The following ITSN2 variants were observed in gnomAD, a reference collection of about 807,000 sequenced individuals.
The protein encoded by ITSN2 is intersectin-2.
Under a neutral mutation model 243.7 loss-of-function variants are expected in ITSN2, and 156 were observed. The observed-to-expected ratio is 0.64, with a 90% CI of 0.56 to 0.73. ITSN2 has a LOEUF of 0.73. Among genes scored for constraint, ITSN2 ranks in the 30% least tolerant of loss-of-function variants. The pLI, the probability that ITSN2 is intolerant of heterozygous loss-of-function variation, is 0.00. For missense variants in ITSN2, 1,801 were observed against 1,996.1 expected (o/e 0.90, Z 1.86); for synonymous variants, 703 against 699.9 (o/e 1.00, Z -0.07).
chr2:24,262,723 C>T (rs1298327820), intron 20 of ITSN2, among the ~76,000 whole-genome samples: 3 of 152,130 alleles, frequency 2.0e-5, no homozygotes, highest in Non-Finnish European at 4.4e-5. Context: ...GACTTCTTCC[C>T]GAAGCAACAT....
intron 1 of ITSN2, among the ~76,000 whole-genome samples, chr2:24,341,116 A>G (rs141636269): frequency 8.9e-4 from 136 of 152,354 alleles, no homozygotes; most frequent in Middle Eastern, 3.4e-3. Flanking sequence ...ATGGGTTTCT[A>G]TCTTGGGTGA....
chr2:24,348,434 C>T (rs1244982230), intron 1 of ITSN2, among the ~76,000 whole-genome samples: 1 of 152,092 alleles, frequency 6.6e-6, no homozygotes, highest in African/African-American at 2.4e-5. Flanking sequence ...AAGTGATCCA[C>T]CCGCCTCAGC....
chr2:24,204,222 TC>T lies in ITSN2; in HGVS notation c.4936+22del. The T allele has an allele frequency of 6.2e-7, 1 of 1,612,622 alleles. No homozygotes were observed. The highest frequency in any genetic ancestry group is 8.5e-7 in the Non-Finnish European group (1 of 1,179,466). On this transcript the variant is annotated intron_variant, in intron 39 of 39. Coordinates refer to ENST00000355123, the MANE Select transcript of ITSN2 (RefSeq NM_006277.3). The surrounding 1 kb of genome is among the most constrained non-coding windows in gnomAD (Gnocchi z 5.1). ...CTAGGAAACTGGGAAAGCCTTTAGA[TC>T]CCCTGGCTGAGCGACACTTACCATC... is the stretch of plus-strand genomic sequence containing the variant.
chr2:24,342,209 A>AT (rs1298248709), intron 1 of ITSN2, among the ~76,000 whole-genome samples: 1 of 151,930 alleles, frequency 6.6e-6, no homozygotes, highest in Non-Finnish European at 1.5e-5. Flanking sequence ...TTTTAGAGAT[A>AT]TATAATCTTT....
Position 24,300,178 on chromosome 2 carries a change from A to C in ITSN2, c.1082-7T>G. 6.2e-7 allele frequency: 1 copy of C among 1,613,902 alleles called. No individual in the cohort carries two copies. The highest frequency in any genetic ancestry group is 8.5e-7 in the Non-Finnish European group (1 of 1,179,878). On this transcript the variant is annotated splice_polypyrimidine_tract_variant and splice_region_variant and intron_variant, in intron 11 of 39. Coordinates refer to ENST00000355123, the MANE Select transcript of ITSN2 (RefSeq NM_006277.3). The stretch of plus-strand genomic sequence containing the variant: ...CGTTTGTCCTCAAAAGTAACTGAAC[A>C]AGGTATGCCTATCAGCATCCACACA...
chr2:24,278,307 T>C (rs1678283402), intron 17 of ITSN2, among the ~76,000 whole-genome samples: 1 of 152,208 alleles, frequency 6.6e-6, no homozygotes, highest in Non-Finnish European at 1.5e-5. Flanking sequence ...TCCAACTATA[T>C]GATTGCCTCC....
chr2:24,345,469 T>C (rs1012086066), intron 1 of ITSN2, among the ~76,000 whole-genome samples: 1 of 152,212 alleles, frequency 6.6e-6, no homozygotes, highest in African/African-American at 2.4e-5. Context: ...GTATTTTACA[T>C]TGTCTAAACC....
In ITSN2 at chr2:24,298,823, A is replaced by T; in HGVS notation, c.1345-9T>A. 2 of 1,578,062 alleles carry T rather than the reference A, an allele frequency of 1.3e-6. No homozygotes were observed. The highest frequency in any genetic ancestry group is 1.7e-6 in the Non-Finnish European group (2 of 1,171,006). ...AGTTCCTGTTTTGCTGCCTGAAAAA[A>T]AAAAGGAATTATACTTAATTTTTAA... On this transcript the variant is annotated splice_polypyrimidine_tract_variant and intron_variant, in intron 12 of 39. Transcript: ENST00000355123.
intron 8 of ITSN2, among the ~76,000 whole-genome samples, chr2:24,304,351 T>A (rs1211580373): frequency 6.6e-6 from 1 of 152,194 alleles, no homozygotes; most frequent in Non-Finnish European, 1.5e-5. Flanking sequence ...CAGCTCCAAC[T>A]ACAACAAAAG....
At position 24,203,430 on chromosome 2, in the gene ITSN2, G is replaced by T; in HGVS notation, c.*196C>A. On this transcript the variant is annotated 3_prime_UTR_variant, in exon 40 of 40. Coordinates refer to ENST00000355123, the MANE Select transcript of ITSN2 (RefSeq NM_006277.3). ...ACTAGGACAAGGCACTGTACTATGG[G>T]GTTTGGTTTCTTTATGGGAAAGGTG... The T allele has an allele frequency of 1.8e-6, 1 of 565,186 alleles. No individual in the cohort carries two copies. The allele number at this position is 565,186 out of a possible 1,614,324, so 35.0% of individuals were successfully genotyped here.
intron 20 of ITSN2, among the ~76,000 whole-genome samples, chr2:24,263,123 CATA>C (rs1383805276): frequency 1.3e-5 from 2 of 152,094 alleles, no homozygotes; most frequent in African/African-American, 4.8e-5. Flanking sequence ...ATTATATATG[CATA>C]ATGACACTTA....
intron 15 of ITSN2, among the ~76,000 whole-genome samples, chr2:24,291,295 A>T (rs548367219): frequency 6.6e-6 from 1 of 151,592 alleles, no homozygotes; most frequent in East Asian, 1.9e-4. Context: ...ACCCCTACTG[A>T]TTTTTGTATT....
intron 15 of ITSN2, 64 bp from the exon 16 acceptor site, chr2:24,286,415 AT>A: frequency 7.0e-7 from 1 of 1,418,634 alleles, no homozygotes; most frequent in Non-Finnish European, 9.9e-7. Context: ...CCAGCATGTC[AT>A]TTACTGTTTG....
chr2:24,229,410 G>A (rs745967283), intron 29 of ITSN2, among the ~76,000 whole-genome samples: 5 of 152,076 alleles, frequency 3.3e-5, no homozygotes, highest in Non-Finnish European at 5.9e-5. Context: ...CTAACATGGC[G>A]AAACCCCATC....
In ITSN2 at chr2:24,334,506, G is replaced by A. The variant is rs866293567; in HGVS notation, c.-33-6391C>T. 1.2e-5 allele frequency: 9 copies of A among 732,760 alleles called. 1 individual carries two copies. Among genetic ancestry groups the A allele is most frequent in the African/African-American group, 1.2e-4 (7 of 57,542 alleles). The allele number at this position is 732,760 out of a possible 1,614,324, so 45.4% of individuals were successfully genotyped here. ...TACTTTCCGTGCCAATAGCGCTCATGCAAACATGGTGAACATTCCTAAAAC... is the reference window on the plus strand; with the variant it reads ...TACTTTCCGTGCCAATAGCGCTCATACAAACATGGTGAACATTCCTAAAAC... On this transcript the variant is annotated intron_variant, in intron 1 of 39. Coordinates refer to ENST00000355123, the MANE Select transcript of ITSN2 (RefSeq NM_006277.3).
intron 1 of ITSN2, among the ~76,000 whole-genome samples, chr2:24,350,684 G>A (rs183398483): frequency 3.3e-4 from 51 of 152,322 alleles, no homozygotes; most frequent in African/African-American, 1.2e-3. Flanking sequence ...ATGAAGTACT[G>A]ATCTATGCTA....
At position 24,310,491 on chromosome 2, in the gene ITSN2, G is replaced by A. The variant is rs145563967; in HGVS notation, c.554C>T (p.Ser185Leu). The A allele has an allele frequency of 8.6e-5, 139 of 1,613,606 alleles. No homozygotes were observed. In the African/African-American group the frequency reaches 9.3e-4, roughly 11 times the overall value. Reference sequence around the variant, plus strand: ...CTCTTTAGAAACAAAGTACTCACTTGAAGAAGAATAAGGAATGGGTAAAGG... The same window carrying A: ...CTCTTTAGAAACAAAGTACTCACTTAAAGAAGAATAAGGAATGGGTAAAGG... ...IQPLPIPYSS[S>L]TLPHGSSYSL... The change falls in exon 6 of 40, where the codon TCA (serine) becomes TTA (leucine). Residue 185 changes from serine (S) to leucine (L), a missense_variant and splice_region_variant. Transcript: ENST00000355123.
intron 37 of ITSN2, chr2:24,206,230 T>G (rs1668841091): frequency 2.5e-6 from 1 of 404,524 alleles, no homozygotes; most frequent in African/African-American, 2.2e-5. Flanking sequence ...TAGCAAAAGC[T>G]GTTTTAAACA....
At chr2:24,312,107 T>TC (rs562582944) in intron 5 of ITSN2, 105 bp downstream of exon 5, 3 of 864,064 alleles carry the variant, frequency 3.5e-6, no homozygotes, top group Non-Finnish European at 5.2e-6. Context: ...ACTTGGAATC[T>TC]GGGGACTGTC....
Sources: gnomAD v4.1 joint callset for allele counts (sites outside exome capture counted in the v4.1 genomes callset) on GRCh38, gnomAD v4.1.1 for gene constraint, Gnocchi (gnomAD v3.1) non-coding constraint, MANE v1.5 for transcripts, NCBI Gene and HGNC (gene_info 2026-07-23, HGNC 2026-07-21) for gene names.